Variants in RXFP1 observed in about 807,000 individuals in gnomAD.
RXFP1 encodes the protein relaxin family peptide receptor 1.
A neutral mutation model predicts 89.8 loss-of-function variants in RXFP1; 73 were observed. The observed-to-expected ratio is 0.81, with a 90% confidence interval of 0.67 to 0.99. RXFP1 has a LOEUF of 0.99. Among genes scored for constraint, RXFP1 ranks in the 50% least tolerant of loss-of-function variants. The pLI is 0.00. For synonymous variants in RXFP1, 277 were observed against 305.5 expected (o/e 0.91, Z 0.97); for missense variants, 793 against 895.5 (o/e 0.89, Z 1.46).
chr4:158,608,520 A>G (rs1193061453), intron 6 of RXFP1, among the ~76,000 whole-genome samples: 1 of 151,368 alleles, frequency 6.6e-6, no homozygotes, highest in Non-Finnish European at 1.5e-5. Context: ...AAACCCAAAG[A>G]CTTCCCCAGT....
chr4:158,601,031 A>G (rs1320919009), intron 4 of RXFP1, among the ~76,000 whole-genome samples: 2 of 152,126 alleles, frequency 1.3e-5, no homozygotes, highest in Non-Finnish European at 1.5e-5. Context: ...GAACAGAGAG[A>G]GAAAGCTGGG....
At chr4:158,623,835 C>CA (rs1206853848) in intron 9 of RXFP1, among the ~76,000 whole-genome samples, 2 of 152,018 alleles carry the variant, frequency 1.3e-5, no homozygotes, top group East Asian at 1.9e-4. Context: ...ATCCAGAAAA[C>CA]AAAAAACTGA....
chr4:158,527,564 A>AAAAAATATATAAAT (rs5741905), intron 1 of RXFP1, among the ~76,000 whole-genome samples: 1 of 98,338 alleles, frequency 1.0e-5, no homozygotes. Flanking sequence ...AAAAAAAAAA[A>AAAAAATATATAAAT]ATATATATAT....
At chr4:158,558,061 G>A (rs993168466) in intron 1 of RXFP1, among the ~76,000 whole-genome samples, 1 of 152,264 alleles carries the variant, frequency 6.6e-6, no homozygotes. Flanking sequence ...TTCCTACAAG[G>A]TAAGCCTACT....
chr4:158,549,352 C>G (rs1749458690), intron 1 of RXFP1, among the ~76,000 whole-genome samples: 1 of 152,168 alleles, frequency 6.6e-6, no homozygotes, highest in South Asian at 2.1e-4. Flanking sequence ...ATCCATTCAT[C>G]TAATTTTTTT....
intron 1 of RXFP1, among the ~76,000 whole-genome samples, chr4:158,563,920 CAT>C (rs961041388): frequency 2.3e-4 from 33 of 146,646 alleles, no homozygotes; most frequent in African/African-American, 5.5e-4. Flanking sequence ...TATAACATAA[CAT>C]AATATATAAT....
intron 1 of RXFP1, among the ~76,000 whole-genome samples, chr4:158,525,147 C>T (rs2149771622): frequency 6.6e-6 from 1 of 151,370 alleles, no homozygotes; most frequent in East Asian, 2.0e-4. Flanking sequence ...TTATCCAATT[C>T]CAAAAGATGG....
chr4:158,610,835 C>G, intron 6 of RXFP1: 1 of 551,450 alleles, frequency 1.8e-6, no homozygotes, highest in South Asian at 1.9e-5. Flanking sequence ...GAGGCTCTAT[C>G]ATGGGGTGCC....
Position 158,521,903 on chromosome 4 carries a change from T to G in RXFP1, c.-74T>G. On this transcript the variant is annotated 5_prime_UTR_variant, in exon 1 of 18. Transcript: ENST00000307765. Reference sequence around the variant, plus strand: ...AGACAGAAATAGCACACAACCACTGTGAGCTGTATGCGATTCAGAAACCAA... The same window carrying G: ...AGACAGAAATAGCACACAACCACTGGGAGCTGTATGCGATTCAGAAACCAA... The G allele has an allele frequency of 3.2e-6, 3 of 930,558 alleles. No homozygotes were observed. Among genetic ancestry groups the G allele is most frequent in the Non-Finnish European group, 5.2e-6 (3 of 573,852 alleles). 57.6% of individuals were successfully genotyped at this position (930,558 alleles called of 1,614,324 possible).
intron 15 of RXFP1, 81 bp from the exon 16 acceptor site, chr4:158,646,710 G>A (rs1000455081): frequency 3.1e-5 from 46 of 1,475,140 alleles, no homozygotes; most frequent in Admixed American, 1.2e-4. Context: ...ATTTTTTCTA[G>A]CATTAAAAAT....
intron 2 of RXFP1, among the ~76,000 whole-genome samples, chr4:158,591,685 GT>G (rs1387671167): frequency 1.3e-5 from 2 of 152,100 alleles, no homozygotes; most frequent in Non-Finnish European, 2.9e-5. Flanking sequence ...AGAGGGAGAG[GT>G]TGCAGTGAGC....
chr4:158,545,523 C>A (rs1476743052), intron 1 of RXFP1, among the ~76,000 whole-genome samples: 1 of 152,062 alleles, frequency 6.6e-6, no homozygotes, highest in Non-Finnish European at 1.5e-5. Flanking sequence ...AAGTCCTTGC[C>A]CATGCCTATG....
rs543197619 is a variant in RXFP1 at position 158,530,674 on chromosome 4, A to G, written c.49+8649A>G. On this transcript the variant is annotated intron_variant, in intron 1 of 17. Transcript: ENST00000307765. Reference sequence around the variant, plus strand: ...AACCTCCCTTTTTTGTGTTAAGATCAAGAGAGGTGGCCAGTTTAGCAAAGT... The same window carrying G: ...AACCTCCCTTTTTTGTGTTAAGATCGAGAGAGGTGGCCAGTTTAGCAAAGT... Among the ~76,000 whole-genome samples, 146 of 152,318 alleles carry G rather than the reference A, an allele frequency of 9.6e-4. 1 individual carries two copies. Among genetic ancestry groups the G allele is most frequent in the Middle Eastern group, 3.4e-3 (1 of 294 alleles).
At chr4:158,569,173 G>GTTTA (rs1754498913) in intron 1 of RXFP1, among the ~76,000 whole-genome samples, 1 of 152,216 alleles carries the variant, frequency 6.6e-6, no homozygotes, top group South Asian at 2.1e-4. Context: ...CAGTAAGTGA[G>GTTTA]TGGATAAATA....
chr4:158,542,109 A>ATATATATACATATTTT, intron 1 of RXFP1, among the ~76,000 whole-genome samples: 1 of 35,254 alleles, frequency 2.8e-5, no homozygotes, highest in African/African-American at 9.3e-5. Context: ...ATATATATAT[A>ATATATATACATATTTT]TTTTTTTTTT....
At chr4:158,555,444 T>G (rs1751065208) in intron 1 of RXFP1, among the ~76,000 whole-genome samples, 1 of 152,206 alleles carries the variant, frequency 6.6e-6, no homozygotes, top group Admixed American at 6.6e-5. Context: ...CAAAAGCACA[T>G]TATAAAAATA....
chr4:158,634,996 T>C (rs1366844781), intron 12 of RXFP1, among the ~76,000 whole-genome samples: 1 of 152,154 alleles, frequency 6.6e-6, no homozygotes, highest in Non-Finnish European at 1.5e-5. Context: ...TTCAAGATTG[T>C]TTGGCTATGT....
chr4:158,576,042 ACCATTG>A (rs1344716478), intron 2 of RXFP1, among the ~76,000 whole-genome samples: 3 of 152,124 alleles, frequency 2.0e-5, no homozygotes, highest in Non-Finnish European at 4.4e-5. Context: ...TCCTTAATTC[ACCATTG>A]CCAACGTTTG....
intron 2 of RXFP1, among the ~76,000 whole-genome samples, chr4:158,577,371 T>C (rs189243003): frequency 2.5e-4 from 38 of 152,276 alleles, no homozygotes; most frequent in Admixed American, 2.2e-3. Context: ...ATATGTAAAT[T>C]CTGTTTAATA....
Sources: gnomAD v4.1 joint callset for allele counts (sites outside exome capture counted in the v4.1 genomes callset) on GRCh38, gnomAD v4.1.1 for gene constraint, MANE v1.5 for transcripts, NCBI Gene and HGNC (gene_info 2026-07-23, HGNC 2026-07-21) for gene names.